Variants in CLCN6 observed in about 807,000 individuals in gnomAD.
CLCN6 encodes the protein Cl-/H+ antiporter 6, also known as H(+)/Cl(-) exchange transporter 6.
A neutral mutation model predicts 109.8 loss-of-function variants in CLCN6; 70 were observed. The observed-to-expected ratio is 0.64, with a 90% CI of 0.53 to 0.78. The LOEUF is 0.78. Among genes scored for constraint, CLCN6 ranks in the 30% least tolerant of loss-of-function variants. The probability of loss-of-function intolerance (pLI) is 0.00; values close to 1 mark genes in which losing one functional copy is unlikely to be tolerated. For missense variants in CLCN6, 984 were observed against 1,142.3 expected (o/e 0.86, Z 2.00); for synonymous variants, 444 against 447.8 (o/e 0.99, Z 0.11).
At chr1:11,839,114 T>A in intron 22 of CLCN6, 1 of 586,900 alleles carries the variant, frequency 1.7e-6, no homozygotes, top group Non-Finnish European at 3.0e-6. Flanking sequence ...ACACAAATAT[T>A]TTCTTATTAC....
intron 6 of CLCN6, among the ~76,000 whole-genome samples, chr1:11,823,457 A>C (rs1331669580): frequency 1.3e-5 from 2 of 151,654 alleles, no homozygotes; most frequent in Non-Finnish European, 2.9e-5. Context: ...AGCCTGGGCA[A>C]CAAGAGTGAA....
Position 11,822,777 on chromosome 1 carries a change from G to A in CLCN6, c.429G>A (p.Leu143=). The A allele has an allele frequency of 6.2e-7, 1 of 1,613,800 alleles. No homozygotes were observed. Among genetic ancestry groups the A allele is most frequent in the Non-Finnish European group, 8.5e-7 (1 of 1,179,776 alleles). ...LLGFNLTFVF[L]ASLLVLIEPV... ...GTTTTAACCTCACCTTTGTCTTCCTGGCAAGCCTCCTTGTTCTCATTGAGG... is the reference window on the plus strand; with the variant it reads ...GTTTTAACCTCACCTTTGTCTTCCTAGCAAGCCTCCTTGTTCTCATTGAGG... Residue 143 remains leucine, a synonymous_variant, in exon 6 of 23, where the codon CTG becomes CTA. Coordinates refer to ENST00000346436, the MANE Select transcript of CLCN6 (RefSeq NM_001286.5).
chr1:11,824,991 G>A (rs1162991553), intron 8 of CLCN6, among the ~76,000 whole-genome samples: 2 of 152,174 alleles, frequency 1.3e-5, no homozygotes, highest in Non-Finnish European at 1.5e-5. Flanking sequence ...TGTGCCAGAC[G>A]CCATGTATAC....
In CLCN6 at chr1:11,837,051, T is replaced by G; in HGVS notation, c.2033T>G (p.Met678Arg). ...GAGCAGCGCAAACGGAGCCAGTCCA[T>G]GAAGTCCTACCCATCCAGCGAGCTA... ...AGEQRKRSQS[M>R]KSYPSSELRN... The change falls in exon 19 of 23, where the codon ATG becomes AGG. Residue 678 changes from methionine to arginine, a missense_variant. Transcript: ENST00000346436. 1.9e-6 allele frequency: 3 copies of G among 1,613,168 alleles called. No homozygotes were observed. The highest frequency in any genetic ancestry group is 2.5e-6 in the Non-Finnish European group (3 of 1,180,018).
intron 19 of CLCN6, 86 bp downstream of exon 19, chr1:11,837,242 T>G: frequency 6.3e-7 from 1 of 1,586,884 alleles, no homozygotes; most frequent in South Asian, 1.1e-5. Context: ...AGGTGGCTCC[T>G]GAGTTTCCTG....
intron 13 of CLCN6, among the ~76,000 whole-genome samples, chr1:11,831,082 C>T (rs1644878493): frequency 6.6e-6 from 1 of 152,092 alleles, no homozygotes; most frequent in African/African-American, 2.4e-5. Flanking sequence ...ATCCACCCAT[C>T]TCGGCCTCCC....
rs1645005863 is a variant in CLCN6, at chr1:11,840,470, C to G, written c.*247C>G. 2 of 569,642 alleles carry G rather than the reference C, an allele frequency of 3.5e-6. No individual in the cohort carries two copies. The highest frequency in any genetic ancestry group is 3.9e-5 in the South Asian group (2 of 50,980). 35.3% of individuals were successfully genotyped at this position (569,642 alleles called of 1,614,324 possible). On this transcript the variant is annotated 3_prime_UTR_variant, in exon 23 of 23. Coordinates refer to ENST00000346436, the MANE Select transcript of CLCN6 (RefSeq NM_001286.5). The stretch of plus-strand genomic sequence containing the variant: ...ACTTCCTGCTCCCTGTGTTCCCACC[C>G]TCCAGTGTTGGCACAGGCCCACCCC...
At chr1:11,836,878 C>T (rs1644956676) in intron 18 of CLCN6, 121 bp from the exon 19 acceptor site, 3 of 1,127,670 alleles carry the variant, frequency 2.7e-6, no homozygotes, top group Admixed American at 2.3e-5. Context: ...ACCTCAGCCC[C>T]ATTAAGTTCC....
rs1302311421 is a variant in CLCN6, at chr1:11,814,176, G to GA, written c.148-1670_148-1669insA. ...ACCCAGCCAATGTCCAGCTGATGTG[G>GA]GTAGGAACAGGTTGTGGGAAGGAGA... is the stretch of plus-strand genomic sequence containing the variant. On this transcript the variant is annotated intron_variant, in intron 2 of 22. Transcript: ENST00000346436. 4.6e-5 allele frequency among the ~76,000 whole-genome samples: 7 copies of GA among 152,042 alleles called. 1 individual carries two copies. The highest frequency in any genetic ancestry group is 1.7e-4 in the African/African-American group (7 of 41,500).
chr1:11,812,548 G>C (rs1338466216), intron 2 of CLCN6, among the ~76,000 whole-genome samples: 2 of 152,018 alleles, frequency 1.3e-5, no homozygotes, highest in Admixed American at 1.3e-4. Flanking sequence ...ATCCTGCCTT[G>C]GTCTTTCTGG....
chr1:11,842,446 A>G lies in CLCN6; in HGVS notation c.*2223A>G, dbSNP rs11551468. 1 of 152,678 alleles carries G rather than the reference A, an allele frequency of 6.5e-6. No individual in the cohort carries two copies. The highest frequency in any genetic ancestry group is 1.5e-5 in the Non-Finnish European group (1 of 68,060). The allele number at this position is 152,678 out of a possible 1,614,324, so 9.5% of individuals were successfully genotyped here. A position where few individuals can be genotyped will look rare whatever the true frequency, so the allele number is the denominator to read the frequency against. The stretch of plus-strand genomic sequence containing the variant: ...CTCTCTGCATCTGCGCTTTCCAGAT[A>G]AGCCCAAAGACAGCAACTTCTCCAC... On this transcript the variant is annotated 3_prime_UTR_variant, in exon 23 of 23. Coordinates refer to ENST00000346436, the MANE Select transcript of CLCN6 (RefSeq NM_001286.5).
Position 11,808,221 on chromosome 1 carries a change from GTGTGTT to G in CLCN6, c.147+1037_147+1042del, listed in dbSNP as rs1239382896. Among the ~76,000 whole-genome samples, 7 of 120,236 alleles carry G rather than the reference GTGTGTT, an allele frequency of 5.8e-5. No individual in the cohort carries two copies. In the South Asian group the frequency reaches 1.1e-3, roughly 19 times the overall value. 78.9% of individuals were successfully genotyped at this position (120,236 alleles called of 152,430 possible). A position where few individuals can be genotyped will look rare whatever the true frequency, so the allele number is the denominator to read the frequency against. On this transcript the variant is annotated intron_variant, in intron 2 of 22. Coordinates refer to ENST00000346436, the MANE Select transcript of CLCN6 (RefSeq NM_001286.5). Reference sequence around the variant, plus strand: ...TTATTATTTTTTATTGTATGTGTGTGTGTGTTTGTGTGTGTGTGTGTGTGTGTGTGT... The same window carrying G: ...TTATTATTTTTTATTGTATGTGTGTGTGTGTGTGTGTGTGTGTGTGTGTGT...
At chr1:11,813,045 C>T (rs1034180920) in intron 2 of CLCN6, among the ~76,000 whole-genome samples, 9 of 152,190 alleles carry the variant, frequency 5.9e-5, no homozygotes, top group South Asian at 2.1e-4. Context: ...TATCTGCTTC[C>T]CAGATCCATT....
At position 11,840,253 on chromosome 1, in the gene CLCN6, C is replaced by G; in HGVS notation, c.*30C>G. On this transcript the variant is annotated 3_prime_UTR_variant, in exon 23 of 23. Transcript: ENST00000346436. Reference sequence around the variant, plus strand: ...CCAGCCCACCCTCTCCTGGTGCTGCCTGGGGAGGCAAATCATGCTCACTCC... The same window carrying G: ...CCAGCCCACCCTCTCCTGGTGCTGCGTGGGGAGGCAAATCATGCTCACTCC... 4 of 1,589,880 alleles carry G rather than the reference C, an allele frequency of 2.5e-6. No homozygotes were observed. The highest frequency in any genetic ancestry group is 3.4e-6 in the Non-Finnish European group (4 of 1,162,248).
chr1:11,815,957 C>A, intron 3 of CLCN6, 46 bp downstream of exon 3: 1 of 1,462,634 alleles, frequency 6.8e-7, no homozygotes, highest in Non-Finnish European at 9.6e-7. Context: ...TCAGTCTTAA[C>A]ATGGCATTTT....
At chr1:11,823,434 G>C (rs1644771225) in intron 6 of CLCN6, among the ~76,000 whole-genome samples, 1 of 151,600 alleles carries the variant, frequency 6.6e-6, no homozygotes, top group Admixed American at 6.6e-5. Context: ...TGGAGATTGT[G>C]CCATTGCACT....
intron 17 of CLCN6, among the ~76,000 whole-genome samples, chr1:11,835,689 C>T (rs1644935269): frequency 6.6e-6 from 1 of 152,170 alleles, no homozygotes; most frequent in South Asian, 2.1e-4. Context: ...GACCAGCAGC[C>T]AGGGCTTCCT....
At chr1:11,816,736 G>T in intron 4 of CLCN6, 56 bp downstream of exon 4, 4 of 1,304,980 alleles carry the variant, frequency 3.1e-6, no homozygotes, top group Non-Finnish European at 4.4e-6. Flanking sequence ...GGGCTTACAG[G>T]GAAAGCCCTG....
chr1:11,819,427 G>A lies in CLCN6; in HGVS notation c.280-61G>A. ...AGATGCCTTCAAGAGGAGCACACCT[G>A]TACTATACTTGTGCTACACTTGGAA... On this transcript the variant is annotated intron_variant, in intron 4 of 22. Transcript: ENST00000346436. 30 of 1,460,238 alleles carry A rather than the reference G, an allele frequency of 2.1e-5. No individual in the cohort carries two copies. The South Asian group carries it at 3.3e-4, about 16-fold the overall frequency. 90.5% of individuals were successfully genotyped at this position (1,460,238 alleles called of 1,614,324 possible).
Sources: gnomAD v4.1 joint callset for allele counts (sites outside exome capture counted in the v4.1 genomes callset) on GRCh38, gnomAD v4.1.1 for gene constraint, MANE v1.5 for transcripts, NCBI Gene and HGNC (gene_info 2026-07-23, HGNC 2026-07-21) for gene names.